Variants in IL1B observed in about 807,000 individuals in gnomAD.
IL1B encodes the protein interleukin-1 beta.
In IL1B, 11 loss-of-function variants were observed where a neutral mutation model predicts 26.2. The observed-to-expected ratio is 0.42, with a 90% CI of 0.26 to 0.70. IL1B has a LOEUF of 0.70. IL1B is among the 30% of genes least tolerant of loss of function. The pLI is 0.25. For missense variants in IL1B, 255 were observed against 327.5 expected, an observed-to-expected ratio of 0.78 and a Z score of 1.71; for synonymous variants, 118 against 120.8, an observed-to-expected ratio of 0.98 and a Z score of 0.15.
chr2:112,833,054 C>A, intron 4 of IL1B: 1 of 615,252 alleles, frequency 1.6e-6, no homozygotes, highest in Non-Finnish European at 2.9e-6. Context: ...TGTGGCCGAG[C>A]AACAGAGCTA....
intron 2 of IL1B, 57 bp downstream of exon 2, chr2:112,836,126 C>G (rs1209749634): frequency 6.5e-7 from 1 of 1,532,602 alleles, no homozygotes; most frequent in Admixed American, 1.7e-5. Flanking sequence ...ACAGATAACA[C>G]TCTACTCTTG....
At chr2:112,833,257 C>T in intron 4 of IL1B, 117 bp downstream of exon 4, 2 of 920,152 alleles carry the variant, frequency 2.2e-6, no homozygotes, top group South Asian at 2.7e-5. Flanking sequence ...GTTTTGTCTC[C>T]CCGCTGGGCC....
chr2:112,836,251 A>G lies in IL1B; in HGVS notation c.-15-7T>C. 1 of 1,610,846 alleles carries G rather than the reference A, an allele frequency of 6.2e-7. No homozygotes were observed. The highest frequency in any genetic ancestry group is 8.5e-7 in the Non-Finnish European group (1 of 1,177,110). Reference sequence around the variant, plus strand: ...CCATGGCTGCTTCAGACACCTGTGTAAAAAGGAGAAAATGAGTGACTTCCC... The same window carrying G: ...CCATGGCTGCTTCAGACACCTGTGTGAAAAGGAGAAAATGAGTGACTTCCC... On this transcript the variant is annotated splice_region_variant and splice_polypyrimidine_tract_variant and intron_variant, in intron 1 of 6. Coordinates refer to ENST00000263341, the MANE Select transcript of IL1B (RefSeq NM_000576.3).
chr2:112,833,831 A>G (rs1682037316), intron 3 of IL1B, among the ~76,000 whole-genome samples: 1 of 151,952 alleles, frequency 6.6e-6, no homozygotes, highest in Admixed American at 6.5e-5. Context: ...CTTCTCTACT[A>G]AAAATACAAA....
chr2:112,835,495 G>T, intron 3 of IL1B, 71 bp downstream of exon 3: 1 of 1,262,026 alleles, frequency 7.9e-7, no homozygotes, highest in Admixed American at 1.7e-5. Flanking sequence ...AAGTGGCCCA[G>T]AACTCCCTTC....
chr2:112,835,971 G>A (rs1407788211), intron 2 of IL1B, among the ~76,000 whole-genome samples: 2 of 152,232 alleles, frequency 1.3e-5, no homozygotes, highest in Non-Finnish European at 2.9e-5. Context: ...TCTGCAGGAA[G>A]CCCTTGCAAC....
chr2:112,833,468 CACA>C lies in IL1B; in HGVS notation c.204_206del (p.Val69del). 1 of 1,614,180 alleles carries C rather than the reference CACA, an allele frequency of 6.2e-7. No individual in the cohort carries two copies. The highest frequency in any genetic ancestry group is 8.5e-7 in the Non-Finnish European group (1 of 1,180,038). The stretch of plus-strand genomic sequence containing the variant: ...GCATCTTCCTCAGCTTGTCCATGGC[CACA>C]ACAACTGACGCGGCCTGCCTGAAGC... On this transcript the variant is annotated inframe_deletion, in exon 4 of 7. Coordinates refer to ENST00000263341, the MANE Select transcript of IL1B (RefSeq NM_000576.3).
rs531740623 is a variant in IL1B, at chr2:112,835,488, T to A, written c.99+78A>T. 5.8e-4 allele frequency: 659 copies of A among 1,127,240 alleles called. 14 individuals are homozygous for A. In the South Asian group the frequency reaches 7.5e-3, roughly 13 times the overall value. The allele number at this position is 1,127,240 out of a possible 1,614,324, so 69.8% of individuals were successfully genotyped here. On this transcript the variant is annotated intron_variant, in intron 3 of 6. Coordinates refer to ENST00000263341, the MANE Select transcript of IL1B (RefSeq NM_000576.3). ...AAAACAAAATACCATGGCATCAAAGTGGCCCAGAACTCCCTTCTTTGAGCT... is the reference window on the plus strand; with the variant it reads ...AAAACAAAATACCATGGCATCAAAGAGGCCCAGAACTCCCTTCTTTGAGCT...
At chr2:112,832,218 GA>G (rs1344746834) in intron 5 of IL1B, among the ~76,000 whole-genome samples, 1 of 152,068 alleles carries the variant, frequency 6.6e-6, no homozygotes, top group Non-Finnish European at 1.5e-5. Flanking sequence ...TCCCTACAAG[GA>G]ACCACCTGGC....
chr2:112,833,434 A>C lies in IL1B; in HGVS notation c.241T>G (p.Cys81Gly). Residue 81 changes from cysteine (C) to glycine (G), a missense_variant, in exon 4 of 7, where the codon TGC (cysteine) becomes GGC (glycine). By Grantham distance (159) the Cys-to-Gly change is radical. Coordinates refer to ENST00000263341, the MANE Select transcript of IL1B (RefSeq NM_000576.3). The part of the protein sequence containing the change: ...MDKLRKMLVP[C>G]PQTFQENDLS... ...TCATTCTCCTGGAAGGTCTGTGGGC[A>C]GGGAACCAGCATCTTCCTCAGCTTG... 1 of 1,614,220 alleles carries C rather than the reference A, an allele frequency of 6.2e-7. No homozygotes were observed.
At chr2:112,833,327 C>G in intron 4 of IL1B, 47 bp downstream of exon 4, 1 of 1,583,246 alleles carries the variant, frequency 6.3e-7, no homozygotes, top group Non-Finnish European at 8.7e-7. Context: ...TTGATGACTT[C>G]CAAGAGGACA....
chr2:112,830,520 G>A lies in IL1B; in HGVS notation c.651C>T (p.Phe217=), dbSNP rs764879783. The A allele has an allele frequency of 6.2e-7, 1 of 1,614,052 alleles. No individual in the cohort carries two copies. Among genetic ancestry groups the A allele is most frequent in the East Asian group, 2.2e-5 (1 of 44,878 alleles). ...PKKKMEKRFV[F]NKIEINNKLE... is the part of the protein sequence containing the mutation. ...GCTTGTTATTGATTTCTATCTTGTT[G>A]AAGACAAATCGCTTTTCCATCTTCT... Residue 217 remains phenylalanine, a synonymous_variant, in exon 7 of 7, where the codon TTC becomes TTT. Transcript: ENST00000263341.
Position 112,830,304 on chromosome 2 carries a change from G to T in IL1B, c.*57C>A. 6.9e-7 allele frequency: 1 copy of T among 1,451,634 alleles called. No homozygotes were observed. The highest frequency in any genetic ancestry group is 9.7e-7 in the Non-Finnish European group (1 of 1,032,754). The allele number at this position is 1,451,634 out of a possible 1,614,324, so 89.9% of individuals were successfully genotyped here. A position where few individuals can be genotyped will look rare whatever the true frequency, so the allele number is the denominator to read the frequency against. ...TCAAAAACCTTTCTGTTCCCTTTCTGCCAGCCCTAGGGATTGAGTCCACAT... is the reference window on the plus strand; with the variant it reads ...TCAAAAACCTTTCTGTTCCCTTTCTTCCAGCCCTAGGGATTGAGTCCACAT... On this transcript the variant is annotated 3_prime_UTR_variant, in exon 7 of 7. Transcript: ENST00000263341.
intron 3 of IL1B, among the ~76,000 whole-genome samples, chr2:112,833,966 C>T (rs1682040598): frequency 6.6e-6 from 1 of 151,948 alleles, no homozygotes; most frequent in African/African-American, 2.4e-5. Context: ...GCACTCCAGC[C>T]TGGGCAACAG....
intron 3 of IL1B, 54 bp from the exon 4 acceptor site, chr2:112,833,629 G>A (rs1404860097): frequency 3.3e-6 from 5 of 1,497,882 alleles, no homozygotes. Context: ...CAGGAACCAT[G>A]CTTTGACATC....
chr2:112,830,936 T>C (rs3917379), intron 6 of IL1B, among the ~76,000 whole-genome samples: 2 of 152,132 alleles, frequency 1.3e-5, no homozygotes, highest in Non-Finnish European at 2.9e-5. Context: ...CTGAGAAAGC[T>C]GGAGGTGATA....
chr2:112,831,433 A>G lies in IL1B; in HGVS notation c.467-11T>C. The G allele has an allele frequency of 6.2e-7, 1 of 1,612,982 alleles. No homozygotes were observed. The highest frequency in any genetic ancestry group is 1.1e-5 in the South Asian group (1 of 90,912). ...ACATGGAGAACACCACTGAAGAAAG[A>G]AGGGGGTCTTGTGGTTAGGGACACA... On this transcript the variant is annotated splice_polypyrimidine_tract_variant and intron_variant, in intron 5 of 6. Coordinates refer to ENST00000263341, the MANE Select transcript of IL1B (RefSeq NM_000576.3).
chr2:112,833,984 C>T (rs1243731662), intron 3 of IL1B, among the ~76,000 whole-genome samples: 1 of 151,896 alleles, frequency 6.6e-6, no homozygotes, highest in Non-Finnish European at 1.5e-5. Flanking sequence ...CAGAGTGAGA[C>T]TCTGTCTCAT....
intron 1 of IL1B, 41 bp downstream of exon 1, chr2:112,836,667 A>C: frequency 4.6e-6 from 1 of 218,812 alleles, no homozygotes; most frequent in Non-Finnish European, 9.5e-6. Context: ...AGACAGAGAG[A>C]CTCCCTTAGC....
Sources: gnomAD v4.1 joint callset for allele counts (sites outside exome capture counted in the v4.1 genomes callset) on GRCh38, gnomAD v4.1.1 for gene constraint, MANE v1.5 for transcripts, NCBI Gene and HGNC (gene_info 2026-07-23, HGNC 2026-07-21) for gene names.